ASTN2: variants seen among roughly 807,000 people sequenced by gnomAD.
ASTN2 encodes astrotactin 2, also known as astrotactin-2.
ASTN2 carries 54 observed loss-of-function variants against 139.8 expected under a neutral mutation model. The observed-to-expected ratio is 0.39, with a 90% CI of 0.31 to 0.48. The LOEUF (loss-of-function observed/expected upper bound fraction) is 0.48. Ranked by LOEUF, ASTN2 falls within the 20% of genes least tolerant of loss-of-function variation. The probability of loss-of-function intolerance (pLI) is 0.95; values close to 1 mark genes in which losing one functional copy is unlikely to be tolerated. For missense variants in ASTN2, 1,565 were observed against 1,725.1 expected (o/e 0.91, Z 1.64); for synonymous variants, 756 against 719.5 (o/e 1.05, Z -0.81).
chr9:116,564,312 C>G (rs983878830), intron 19 of ASTN2, among the ~76,000 whole-genome samples: 8 of 152,288 alleles, frequency 5.3e-5, no homozygotes, highest in African/African-American at 1.9e-4. Context: ...CTGATTGCCT[C>G]CCAGTCATGG....
intron 1 of ASTN2, among the ~76,000 whole-genome samples, chr9:117,329,499 A>C (rs1276261449): frequency 6.6e-6 from 1 of 152,130 alleles, no homozygotes; most frequent in African/African-American, 2.4e-5. Flanking sequence ...GACTAAGTTC[A>C]CTTTTTCACA....
chr9:116,587,246 CAGG>C (rs1287751689), intron 19 of ASTN2, among the ~76,000 whole-genome samples: 4 of 149,966 alleles, frequency 2.7e-5, no homozygotes, highest in Non-Finnish European at 5.9e-5. Context: ...GAGGCTGAGG[CAGG>C]AGAATTGCTT....
rs539569853 is a variant in ASTN2 at position 117,380,380 on chromosome 9, G to A, written c.442+34117C>T. On this transcript the variant is annotated intron_variant, in intron 1 of 22. Coordinates refer to ENST00000313400, the MANE Select transcript of ASTN2 (RefSeq NM_001365068.1). ...CCAGCACTTTGGGAGGCCAAGGTGG[G>A]CAAATCACGAGGTCAAGAGATCAAG... Among the ~76,000 whole-genome samples, 5 of 152,208 alleles carry A rather than the reference G, an allele frequency of 3.3e-5. No individual in the cohort carries two copies. In the South Asian group the frequency reaches 1.0e-3, roughly 32 times the overall value.
rs536130972 is a variant in ASTN2 at position 116,891,640 on chromosome 9, A to G, written c.1890-27907T>C. ...CTATGACAATGGGCTTTGATGAGTCAGAGTCACTTGATGAACTTAACATTT... is the reference window on the plus strand; with the variant it reads ...CTATGACAATGGGCTTTGATGAGTCGGAGTCACTTGATGAACTTAACATTT... On this transcript the variant is annotated intron_variant, in intron 10 of 22. Coordinates refer to ENST00000313400, the MANE Select transcript of ASTN2 (RefSeq NM_001365068.1). Among the ~76,000 whole-genome samples the G allele has an allele frequency of 8.5e-5, 13 of 152,362 alleles. 1 individual carries two copies. In the South Asian group the frequency reaches 2.7e-3, roughly 32 times the overall value.
chr9:116,849,352 C>T (rs887792178), intron 11 of ASTN2, among the ~76,000 whole-genome samples: 2 of 152,110 alleles, frequency 1.3e-5, no homozygotes, highest in South Asian at 4.1e-4. Context: ...CTTGTCTTGG[C>T]CTTTCCTGTG....
chr9:116,452,276 T>A (rs762613713), intron 20 of ASTN2, among the ~76,000 whole-genome samples: 2 of 152,198 alleles, frequency 1.3e-5, no homozygotes, highest in Non-Finnish European at 2.9e-5. Context: ...TAAACAATAA[T>A]TTTTAAAGTG....
At chr9:116,429,970 C>T (rs1425657730) in intron 22 of ASTN2, among the ~76,000 whole-genome samples, 3 of 151,984 alleles carry the variant, frequency 2.0e-5, no homozygotes, top group African/African-American at 2.4e-5. Flanking sequence ...CAAGTCAGAC[C>T]GGAGAGAACA....
chr9:117,373,021 G>A (rs1830028061), intron 1 of ASTN2, among the ~76,000 whole-genome samples: 1 of 152,146 alleles, frequency 6.6e-6, no homozygotes, highest in African/African-American at 2.4e-5. Context: ...TGGGGATGAT[G>A]GTGCTCCCTG....
intron 2 of ASTN2, among the ~76,000 whole-genome samples, chr9:117,226,865 G>T (rs1405718754): frequency 6.6e-6 from 1 of 152,082 alleles, no homozygotes; most frequent in Non-Finnish European, 1.5e-5. Flanking sequence ...TTATTCCCTG[G>T]GAATGTGTTG....
intron 6 of ASTN2, among the ~76,000 whole-genome samples, chr9:117,036,248 G>C (rs1441196803): frequency 6.6e-6 from 1 of 152,158 alleles, no homozygotes; most frequent in African/African-American, 2.4e-5. Context: ...GCATGTAAGG[G>C]ATGGAGATTC....
intron 20 of ASTN2, among the ~76,000 whole-genome samples, chr9:116,451,599 C>T (rs190272276): frequency 6.6e-6 from 1 of 152,162 alleles, no homozygotes; most frequent in African/African-American, 2.4e-5. Context: ...TGTGTCTGTT[C>T]TTCCTTCTTT....
chr9:116,780,942 T>C (rs1001339099), intron 13 of ASTN2, among the ~76,000 whole-genome samples: 16 of 151,524 alleles, frequency 1.1e-4, no homozygotes, highest in African/African-American at 2.2e-4. Context: ...TGGGTTCAAG[T>C]GATTCTCCTG....
chr9:116,936,317 A>G (rs922800033), intron 10 of ASTN2, among the ~76,000 whole-genome samples: 3 of 147,620 alleles, frequency 2.0e-5, no homozygotes, highest in Non-Finnish European at 4.5e-5. Context: ...TCCAACCATC[A>G]CCATAATCAG....
At chr9:116,897,070 T>G (rs1304252449) in intron 10 of ASTN2, among the ~76,000 whole-genome samples, 1 of 152,198 alleles carries the variant, frequency 6.6e-6, no homozygotes, top group Non-Finnish European at 1.5e-5. Context: ...AACCTCCTGT[T>G]CATCTTTTGC....
At chr9:116,705,723 T>C (rs541904489) in intron 16 of ASTN2, among the ~76,000 whole-genome samples, 1 of 151,160 alleles carries the variant, frequency 6.6e-6, no homozygotes, top group East Asian at 1.9e-4. Flanking sequence ...AGATAAGGTA[T>C]GTAAACAAAT....
At chr9:116,801,585 CAAAAAAAAAAAAAAA>C (rs397893932) in intron 13 of ASTN2, among the ~76,000 whole-genome samples, 25 of 60,372 alleles carry the variant, frequency 4.1e-4, no homozygotes, top group African/African-American at 1.3e-3. Flanking sequence ...GGCTCTGTCT[CAAAAAAAAAAAAAAA>C]AAAAAAAAAA....
At chr9:116,718,023 C>A (rs370851314) in intron 16 of ASTN2, among the ~76,000 whole-genome samples, 1 of 152,212 alleles carries the variant, frequency 6.6e-6, no homozygotes, top group East Asian at 1.9e-4. Context: ...CCTCACAGAG[C>A]TTATAGTGCA....
intron 10 of ASTN2, among the ~76,000 whole-genome samples, chr9:116,930,007 G>A (rs1253073626): frequency 1.3e-5 from 2 of 152,184 alleles, no homozygotes; most frequent in Non-Finnish European, 2.9e-5. Context: ...GGGATGTACT[G>A]GGAAGGATGC....
intron 19 of ASTN2, among the ~76,000 whole-genome samples, chr9:116,524,377 T>C (rs1479242387): frequency 6.6e-6 from 1 of 151,990 alleles, no homozygotes; most frequent in Non-Finnish European, 1.5e-5. Flanking sequence ...ATAACCAACA[T>C]AGGTGAAAAT....
Sources: gnomAD v4.1 joint callset for allele counts (sites outside exome capture counted in the v4.1 genomes callset) on GRCh38, gnomAD v4.1.1 for gene constraint, MANE v1.5 for transcripts, NCBI Gene and HGNC (gene_info 2026-07-23, HGNC 2026-07-21) for gene names.